The following GPC6 variants were observed in gnomAD, a reference collection of about 807,000 sequenced individuals.
GPC6 encodes glypican 6.
In GPC6, 14 loss-of-function variants were observed where a neutral mutation model predicts 55.2. The observed-to-expected ratio is 0.25, with a 90% CI of 0.17 to 0.40. GPC6 has a LOEUF of 0.40. Ranked by LOEUF, GPC6 falls within the 10% of genes least tolerant of loss-of-function variation. The pLI is 1.00. For synonymous variants in GPC6, 278 were observed against 259.6 expected (o/e 1.07, Z -0.68); for missense variants, 641 against 708.5 (o/e 0.90, Z 1.08).
intron 2 of GPC6, among the ~76,000 whole-genome samples, chr13:93,798,918 C>CAAAA (rs57665046): frequency 2.9e-4 from 25 of 86,230 alleles, no homozygotes; most frequent in African/African-American, 9.5e-4. Flanking sequence ...GACTCTGTCT[C>CAAAA]AAAAAAAAAA....
In GPC6 at chr13:94,146,527, A is replaced by C. The variant is rs572186115; in HGVS notation, c.877+118633A>C. ...TCCTTGGACCAATTATAGCGTTCAA[A>C]AACAATCTTTTTCAGGTTTCCAGAT... On this transcript the variant is annotated intron_variant, in intron 4 of 8. Transcript: ENST00000377047. 3.9e-5 allele frequency among the ~76,000 whole-genome samples: 6 copies of C among 152,266 alleles called. No individual in the cohort carries two copies. The East Asian group carries it at 1.2e-3, about 29-fold the overall frequency.
intron 2 of GPC6, among the ~76,000 whole-genome samples, chr13:93,765,308 T>TTCCAGATAAGCTATCTGGAAAGACA: frequency 6.7e-6 from 1 of 148,686 alleles, no homozygotes; most frequent in African/African-American, 2.5e-5. Flanking sequence ...AAAGACAACT[T>TTCCAGATAAGCTATCTGGAAAGACA]ATTTGGTTTA....
intron 2 of GPC6, among the ~76,000 whole-genome samples, chr13:93,761,108 T>C (rs1884939230): frequency 6.6e-6 from 1 of 152,220 alleles, no homozygotes; most frequent in African/African-American, 2.4e-5. Flanking sequence ...CCTTTTTTTC[T>C]CATGCCTTTA....
chr13:93,512,943 TA>T (rs1881040075), intron 1 of GPC6, among the ~76,000 whole-genome samples: 2 of 152,224 alleles, frequency 1.3e-5, no homozygotes, highest in Non-Finnish European at 2.9e-5. Context: ...AAATCAGATT[TA>T]AAAAGGCTAC....
intron 1 of GPC6, among the ~76,000 whole-genome samples, chr13:93,231,360 CGTATATATATATATATATACATAT>C (rs1566533359): frequency 2.5e-3 from 38 of 14,944 alleles, no homozygotes; most frequent in African/African-American, 9.1e-3. Context: ...TATATATATA[CGTATATATATATATATATACATAT>C]ATATATATAT....
At chr13:93,287,495 G>C (rs1878175739) in intron 1 of GPC6, among the ~76,000 whole-genome samples, 1 of 152,222 alleles carries the variant, frequency 6.6e-6, no homozygotes, top group Non-Finnish European at 1.5e-5. Flanking sequence ...GGAAATGCCA[G>C]TGTGGTTCTT....
chr13:94,241,429 A>G (rs1213690054), intron 4 of GPC6, among the ~76,000 whole-genome samples: 1 of 152,146 alleles, frequency 6.6e-6, no homozygotes, highest in African/African-American at 2.4e-5. Flanking sequence ...TCCTGCCTCC[A>G]TGAGACTGAT....
rs538367477 is a variant in GPC6, at chr13:93,470,991, G to T, written c.161-74272G>T. 2.5e-4 allele frequency among the ~76,000 whole-genome samples: 38 copies of T among 151,964 alleles called. 1 individual carries two copies. The highest frequency in any genetic ancestry group is 1.1e-3 in the Admixed American group (17 of 15,262). ...GGGTCTATAATAATATGTTCTCTTT[G>T]ATTCTTTTCATTGGTAATCTGTGTC... On this transcript the variant is annotated intron_variant, in intron 1 of 8. Coordinates refer to ENST00000377047, the MANE Select transcript of GPC6 (RefSeq NM_005708.5).
At chr13:93,515,070 A>G (rs981976603) in intron 1 of GPC6, among the ~76,000 whole-genome samples, 3 of 152,244 alleles carry the variant, frequency 2.0e-5, no homozygotes, top group African/African-American at 7.2e-5. Flanking sequence ...CCCCTACAAG[A>G]AAACAGAGAG....
chr13:93,808,256 C>G (rs1886595740), intron 2 of GPC6, among the ~76,000 whole-genome samples: 1 of 152,126 alleles, frequency 6.6e-6, no homozygotes, highest in Non-Finnish European at 1.5e-5. Context: ...CATTTTCATC[C>G]TATTCTGAAT....
At chr13:94,385,392 G>A (rs9556368) in intron 7 of GPC6, among the ~76,000 whole-genome samples, 30,775 of 152,070 alleles carry the variant, frequency 0.2, 3,359 homozygotes, top group East Asian at 0.29. Flanking sequence ...TCAGTCCTCA[G>A]GAAAAAGATT....
At chr13:93,915,441 C>A (rs1033129243) in intron 3 of GPC6, among the ~76,000 whole-genome samples, 2 of 152,182 alleles carry the variant, frequency 1.3e-5, no homozygotes, top group East Asian at 1.9e-4. Flanking sequence ...TGCCAGCCCC[C>A]CTGTGCCATT....
At chr13:93,463,485 T>A (rs376997044) in intron 1 of GPC6, among the ~76,000 whole-genome samples, 1 of 152,174 alleles carries the variant, frequency 6.6e-6, no homozygotes, top group East Asian at 1.9e-4. Flanking sequence ...AAGTACTAGA[T>A]CCACTTAAAG....
intron 1 of GPC6, among the ~76,000 whole-genome samples, chr13:93,440,764 ATACATGT>A (rs1451092218): frequency 6.6e-6 from 1 of 152,044 alleles, no homozygotes; most frequent in Non-Finnish European, 1.5e-5. Flanking sequence ...TTACATATGT[ATACATGT>A]GCAATGTTGG....
chr13:93,254,320 T>C (rs1057281754), intron 1 of GPC6, among the ~76,000 whole-genome samples: 2 of 152,174 alleles, frequency 1.3e-5, no homozygotes, highest in African/African-American at 4.8e-5. Flanking sequence ...TGAGACTCTA[T>C]CTCTTATAAA....
chr13:93,899,230 T>G (rs1566592969), intron 3 of GPC6, among the ~76,000 whole-genome samples: 1 of 151,908 alleles, frequency 6.6e-6, no homozygotes, highest in Non-Finnish European at 1.5e-5. Context: ...AAAAAGCACT[T>G]CATAGGATCC....
At chr13:93,858,727 T>C (rs1888709711) in intron 3 of GPC6, among the ~76,000 whole-genome samples, 1 of 151,542 alleles carries the variant, frequency 6.6e-6, no homozygotes, top group Admixed American at 6.6e-5. Context: ...AAATTAGCCA[T>C]GCAGAGCTCA....
intron 4 of GPC6, among the ~76,000 whole-genome samples, chr13:94,028,481 A>C (rs1882990102): frequency 6.7e-6 from 1 of 149,572 alleles, no homozygotes; most frequent in Non-Finnish European, 1.5e-5. Context: ...CACTCCCGTG[A>C]GAAAGGACGC....
At chr13:94,333,074 C>A (rs1017783987) in intron 6 of GPC6, among the ~76,000 whole-genome samples, 30 of 152,088 alleles carry the variant, frequency 2.0e-4, no homozygotes, top group Admixed American at 1.5e-3. Flanking sequence ...TCTTCATCTG[C>A]TTTATGAATT....
Sources: allele counts gnomAD v4.1 joint callset (sites outside exome capture counted in the v4.1 genomes callset), GRCh38; gene constraint gnomAD v4.1.1; transcripts MANE v1.5; gene names NCBI Gene and HGNC (gene_info 2026-07-23, HGNC 2026-07-21).